OVCH1: variants seen among roughly 807,000 people sequenced by gnomAD.
OVCH1 encodes the protein ovochymase 1.
In OVCH1, 139 loss-of-function variants were observed where a neutral mutation model predicts 138.4. The observed-to-expected ratio is 1.00, with a 90% CI of 0.87 to 1.16. The LOEUF (loss-of-function observed/expected upper bound fraction) is 1.16. Ranked by LOEUF, OVCH1 falls within the 50% of genes most tolerant of loss-of-function variation. The pLI, the probability that OVCH1 is intolerant of heterozygous loss-of-function variation, is 0.00. For synonymous variants in OVCH1, 453 were observed against 467.8 expected (o/e 0.97, Z 0.41); for missense variants, 1,367 against 1,357.9 (o/e 1.01, Z -0.11).
intron 22 of OVCH1, among the ~76,000 whole-genome samples, chr12:29,449,276 T>TACAC (rs10651165): frequency 0.041 from 5,601 of 137,348 alleles, 132 homozygotes; most frequent in Non-Finnish European, 0.052. Flanking sequence ...CCCCCCTCCC[T>TACAC]ACACACACAC....
chr12:29,416,067 C>T (rs773152683), intron 3 of OVCH1, among the ~76,000 whole-genome samples: 1 of 108,848 alleles, frequency 9.2e-6, no homozygotes, highest in Non-Finnish European at 2.0e-5. Flanking sequence ...TCCCTTAGAC[C>T]ACAAAAAAAG....
At chr12:29,422,063 C>T (rs182625442) in intron 3 of OVCH1, among the ~76,000 whole-genome samples, 4 of 152,214 alleles carry the variant, frequency 2.6e-5, no homozygotes, top group Admixed American at 2.0e-4. Flanking sequence ...AAGTTGTTTA[C>T]TCAAAACTGT....
chr12:29,442,150 C>T (rs898168406), intron 25 of OVCH1, among the ~76,000 whole-genome samples: 1 of 151,920 alleles, frequency 6.6e-6, no homozygotes, highest in African/African-American at 2.4e-5. Flanking sequence ...ATAAATCATG[C>T]TGCTACAAAG....
At chr12:29,428,769 G>A (rs7978026) in intron 27 of OVCH1, among the ~76,000 whole-genome samples, 1 of 152,074 alleles carries the variant, frequency 6.6e-6, no homozygotes, top group Non-Finnish European at 1.5e-5. Context: ...CTCTTGACCT[G>A]TGCAATAAAT....
intron 3 of OVCH1, among the ~76,000 whole-genome samples, chr12:29,417,703 C>G (rs760622286): frequency 1.3e-5 from 2 of 151,784 alleles, no homozygotes; most frequent in Non-Finnish European, 2.9e-5. Flanking sequence ...ATGCTGATGC[C>G]AACTCTCTAT....
intron 14 of OVCH1, among the ~76,000 whole-genome samples, chr12:29,474,074 T>TACACATACACACAC (rs1555150617): frequency 6.9e-6 from 1 of 145,192 alleles, no homozygotes; most frequent in Non-Finnish European, 1.5e-5. Flanking sequence ...CACACACACA[T>TACACATACACACAC]ACACACACAC....
At chr12:29,428,219 TAC>T (rs1213124821) in intron 27 of OVCH1, among the ~76,000 whole-genome samples, 4 of 152,332 alleles carry the variant, frequency 2.6e-5, no homozygotes, top group African/African-American at 7.2e-5. Flanking sequence ...CTTTACCAGT[TAC>T]AGTTTTATCC....
intron 5 of OVCH1, 125 bp from the exon 6 acceptor site, chr12:29,489,896 G>T: frequency 9.4e-7 from 1 of 1,063,682 alleles, no homozygotes; most frequent in Non-Finnish European, 1.4e-6. Context: ...TTGTTTTTAG[G>T]TGTGAATCAT....
downstream of OVCH1, chr12:29,423,059 G>A: frequency 2.9e-6 from 1 of 341,760 alleles, no homozygotes; most frequent in East Asian, 8.0e-5. Context: ...TAAACCAATG[G>A]GCTGCAGGTT....
Position 29,484,574 on chromosome 12 carries a change from G to C in OVCH1, c.995+1672C>G, listed in dbSNP as rs143940552. Reference sequence around the variant, plus strand: ...GTACGCTGGGGTGGGAAGATCCCTTGAGCCCAGGAGTTTGAGCCCAGCCTG... The same window carrying C: ...GTACGCTGGGGTGGGAAGATCCCTTCAGCCCAGGAGTTTGAGCCCAGCCTG... On this transcript the variant is annotated intron_variant, in intron 8 of 27. Coordinates refer to ENST00000318184, the Ensembl canonical transcript of OVCH1. 1.6e-3 allele frequency among the ~76,000 whole-genome samples: 251 copies of C among 152,216 alleles called. 2 individuals carry two copies. The highest frequency in any genetic ancestry group is 5.7e-3 in the African/African-American group (235 of 41,524).
At chr12:29,482,765 C>T (rs969348633) in intron 8 of OVCH1, among the ~76,000 whole-genome samples, 1 of 152,188 alleles carries the variant, frequency 6.6e-6, no homozygotes, top group African/African-American at 2.4e-5. Context: ...CCCTTCTTCT[C>T]TTGAAACTTT....
rs565515800 is a variant in OVCH1, at chr12:29,421,672, A to G, written c.*71+1455T>C. On this transcript the variant is annotated intron_variant and NMD_transcript_variant, in intron 3 of 4. Coordinates refer to the OVCH1 transcript ENST00000539117. ...AAAATACAACATATATATAAAGAACACATATAAGGAAAATTTCCAGCACTG... is the reference window on the plus strand; with the variant it reads ...AAAATACAACATATATATAAAGAACGCATATAAGGAAAATTTCCAGCACTG... 1.8e-4 allele frequency among the ~76,000 whole-genome samples: 27 copies of G among 152,308 alleles called. 1 individual carries two copies. The South Asian group carries it at 5.4e-3, about 30-fold the overall frequency.
chr12:29,489,431 C>T (rs138497039), intron 6 of OVCH1, among the ~76,000 whole-genome samples, 189 bp downstream of exon 6: 6 of 152,176 alleles, frequency 3.9e-5, no homozygotes, highest in East Asian at 1.9e-4. Flanking sequence ...TAGGAATGGA[C>T]GTGGAGACAG....
chr12:29,480,794 CTT>C (rs1172789208), intron 8 of OVCH1, among the ~76,000 whole-genome samples: 4 of 152,156 alleles, frequency 2.6e-5, no homozygotes, highest in Non-Finnish European at 5.9e-5. Flanking sequence ...CTCTGTCTCC[CTT>C]ATGATTTCCT....
intron 3 of OVCH1, 75 bp from the exon 4 acceptor site, chr12:29,495,532 G>T: frequency 7.6e-7 from 1 of 1,321,256 alleles, no homozygotes; most frequent in Non-Finnish European, 1.0e-6. Context: ...GTAATTAAAT[G>T]AAAAGTGATT....
intron 26 of OVCH1, among the ~76,000 whole-genome samples, chr12:29,435,767 TTG>T (rs765579280): frequency 1.3e-5 from 2 of 152,180 alleles, no homozygotes; most frequent in Non-Finnish European, 2.9e-5. Context: ...GTTCCCTTTC[TTG>T]TGAGGCAGGC....
At chr12:29,411,799 C>T (rs868530989), downstream of OVCH1, among the ~76,000 whole-genome samples, 5 of 119,720 alleles carry the variant, frequency 4.2e-5, no homozygotes, top group African/African-American at 1.4e-4. Context: ...CTCAGATATC[C>T]AGCTGCATGC....
At chr12:29,486,793 C>A (rs1277612011) in intron 7 of OVCH1, 5 of 379,708 alleles carry the variant, frequency 1.3e-5, no homozygotes, top group Non-Finnish European at 2.1e-5. Context: ...TGAAATGAAC[C>A]ATTAATGTCT....
intron 3 of OVCH1, among the ~76,000 whole-genome samples, chr12:29,415,995 T>C (rs1286853191): frequency 4.6e-5 from 7 of 151,168 alleles, no homozygotes; most frequent in Admixed American, 1.3e-4. Context: ...ACAAATATGC[T>C]CACTTTATTT....
Sources: gnomAD v4.1 joint callset for allele counts (sites outside exome capture counted in the v4.1 genomes callset) on GRCh38, gnomAD v4.1.1 for gene constraint, MANE v1.5 for transcripts, NCBI Gene and HGNC (gene_info 2026-07-23, HGNC 2026-07-21) for gene names.